Variants in CATSPERT observed in about 807,000 individuals in gnomAD.
CATSPERT encodes cation channel sperm-associated targeting subunit tau.
chr2:201,549,585 C>T, the CATSPERT span: 6 of 152,144 alleles, frequency 3.9e-5, no homozygotes, highest in Admixed American at 1.3e-4. Context: ...AAAAATGTTA[C>T]ATAACTTTGT....
chr2:201,591,260 G>A, the CATSPERT span, among the ~76,000 whole-genome samples: 4 of 152,212 alleles, frequency 2.6e-5, no homozygotes, highest in East Asian at 5.8e-4. Flanking sequence ...CCCATTGCTT[G>A]TTTTTCTCAG....
chr2:201,591,473 T>G, the CATSPERT span, among the ~76,000 whole-genome samples: 4 of 152,146 alleles, frequency 2.6e-5, no homozygotes, highest in African/African-American at 9.6e-5. Context: ...TGCGGGCTCT[T>G]TTTTGGTTCC....
the CATSPERT span, among the ~76,000 whole-genome samples, chr2:201,582,785 C>G: frequency 6.6e-6 from 1 of 152,148 alleles, no homozygotes; most frequent in Non-Finnish European, 1.5e-5. Context: ...TATCTGTACA[C>G]TATTGCTAAT....
chr2:201,535,160 TTA>T, the CATSPERT span: 1 of 984,204 alleles, frequency 1.0e-6, no homozygotes, highest in East Asian at 1.1e-4. Flanking sequence ...CCAGTTAAAA[TTA>T]TGTCTTTTGA....
chr2:201,614,707 C>T, the CATSPERT span, among the ~76,000 whole-genome samples: 1 of 152,138 alleles, frequency 6.6e-6, no homozygotes, highest in Non-Finnish European at 1.5e-5. Context: ...TCACACATAA[C>T]AATATTAACC....
At chr2:201,531,021 C>T in the CATSPERT span, among the ~76,000 whole-genome samples, 6 of 127,326 alleles carry the variant, frequency 4.7e-5, no homozygotes, top group Non-Finnish European at 7.9e-5. Flanking sequence ...AGTGCAGTGG[C>T]GCGATCTCAG....
the CATSPERT span, among the ~76,000 whole-genome samples, chr2:201,564,514 T>C: frequency 2.0e-5 from 3 of 152,200 alleles, no homozygotes; most frequent in South Asian, 2.1e-4. Flanking sequence ...ATAGCAATGA[T>C]TGCTATAAAC....
the CATSPERT span, among the ~76,000 whole-genome samples, chr2:201,589,053 G>A: frequency 3.3e-5 from 5 of 152,084 alleles, no homozygotes; most frequent in African/African-American, 4.8e-5. Context: ...AACTAGAGAG[G>A]TGAAAGATCT....
At chr2:201,616,724 A>G in the CATSPERT span, among the ~76,000 whole-genome samples, 12 of 152,194 alleles carry the variant, frequency 7.9e-5, no homozygotes, top group Non-Finnish European at 1.3e-4. Flanking sequence ...CAGGCAAGGG[A>G]AAGAAATAAA....
the CATSPERT span, among the ~76,000 whole-genome samples, chr2:201,508,393 A>T: frequency 6.6e-6 from 1 of 152,256 alleles, no homozygotes; most frequent in Non-Finnish European, 1.5e-5. Context: ...CAAAGTTCAA[A>T]CTTGAAGTAA....
At chr2:201,520,938 TA>T in the CATSPERT span, among the ~76,000 whole-genome samples, 30 of 130,436 alleles carry the variant, frequency 2.3e-4, no homozygotes, top group South Asian at 1.7e-3. Flanking sequence ...ACCACAGAAA[TA>T]AAAAAAAAAT....
At chr2:201,573,892 G>T in the CATSPERT span, among the ~76,000 whole-genome samples, 1 of 152,060 alleles carries the variant, frequency 6.6e-6, no homozygotes, top group Non-Finnish European at 1.5e-5. Flanking sequence ...CCCAGCCTCA[G>T]GTGATTCACC....
At chr2:201,590,576 G>A in the CATSPERT span, among the ~76,000 whole-genome samples, 1 of 152,070 alleles carries the variant, frequency 6.6e-6, no homozygotes. Context: ...CTTCCACAAT[G>A]GTTGAACTAG....
the CATSPERT span, chr2:201,487,825 C>A: frequency 6.2e-7 from 1 of 1,614,010 alleles, no homozygotes; most frequent in Non-Finnish European, 8.5e-7. Flanking sequence ...TTCCTAAAAG[C>A]CTTGATCTTG....
chr2:201,514,372 T>A, the CATSPERT span, among the ~76,000 whole-genome samples: 1 of 152,182 alleles, frequency 6.6e-6, no homozygotes, highest in African/African-American at 2.4e-5. Context: ...GAACGTAAAG[T>A]TGGTTTAACA....
chr2:201,572,951 A>G, the CATSPERT span, among the ~76,000 whole-genome samples: 2 of 152,222 alleles, frequency 1.3e-5, no homozygotes, highest in African/African-American at 2.4e-5. Context: ...CCTAATTTAA[A>G]AAGACCCAAA....
At chr2:201,551,330 TC>T in the CATSPERT span, among the ~76,000 whole-genome samples, 2 of 152,288 alleles carry the variant, frequency 1.3e-5, no homozygotes, top group African/African-American at 4.8e-5. Flanking sequence ...AAAGTACTAG[TC>T]TATTTTAAAG....
At chr2:201,534,968 G>A in the CATSPERT span, 10 of 368,134 alleles carry the variant, frequency 2.7e-5, no homozygotes, top group South Asian at 2.2e-4. Flanking sequence ...AAAGATATAT[G>A]TACATATGCA....
At chr2:201,585,332 A>G in the CATSPERT span, among the ~76,000 whole-genome samples, 5 of 151,314 alleles carry the variant, frequency 3.3e-5, no homozygotes, top group African/African-American at 1.2e-4. Flanking sequence ...GTGTATACCT[A>G]TGTAACAAAC....
Sources: gnomAD v4.1 joint callset for allele counts (sites outside exome capture counted in the v4.1 genomes callset) on GRCh38, gnomAD v4.1.1 for gene constraint, MANE v1.5 for transcripts, NCBI Gene and HGNC (gene_info 2026-07-23, HGNC 2026-07-21) for gene names.